The following CAMK2D variants were observed in gnomAD, a reference collection of about 807,000 sequenced individuals.
CAMK2D encodes calcium/calmodulin-dependent protein kinase type II subunit delta.
CAMK2D carries 37 observed loss-of-function variants against 84.0 expected under a neutral mutation model. The ratio of observed to expected loss-of-function variants is 0.44; its 90% CI spans 0.34 to 0.58. The LOEUF (loss-of-function observed/expected upper bound fraction) is 0.58. Ranked by LOEUF, CAMK2D falls within the 20% of genes least tolerant of loss-of-function variation. The pLI, the probability that CAMK2D is intolerant of heterozygous loss-of-function variation, is 0.02. For missense variants in CAMK2D, 448 were observed against 652.5 expected (o/e 0.69, Z 3.41); for synonymous variants, 202 against 212.5 (o/e 0.95, Z 0.43).
chr4:113,487,537 G>A (rs989302478), intron 16 of CAMK2D, among the ~76,000 whole-genome samples: 2 of 151,992 alleles, frequency 1.3e-5, no homozygotes, highest in African/African-American at 4.8e-5. Flanking sequence ...AGAAATGAAT[G>A]AGCTCAAATA....
At chr4:113,613,386 A>G (rs1325396569) in intron 3 of CAMK2D, among the ~76,000 whole-genome samples, 1 of 152,112 alleles carries the variant, frequency 6.6e-6, no homozygotes, top group African/African-American at 2.4e-5. Context: ...CTACTTGCCA[A>G]ATACCTGGTG....
At position 113,453,201 on chromosome 4, in the gene CAMK2D, C is replaced by G. The variant is rs554019451; in HGVS notation, c.*1344G>C. 1 of 152,184 alleles carries G rather than the reference C, an allele frequency of 6.6e-6. No homozygotes were observed. Among genetic ancestry groups the G allele is most frequent in the East Asian group, 1.9e-4 (1 of 5,178 alleles). 9.4% of individuals were successfully genotyped at this position (152,184 alleles called of 1,614,324 possible). On this transcript the variant is annotated 3_prime_UTR_variant, in exon 21 of 21. Transcript: ENST00000511664. ...GAAATTCTAACTCCTTGGAGGAAGA[C>G]AATGATACTCTGATTCAAGAGAGAA... is the stretch of plus-strand genomic sequence containing the variant.
chr4:113,686,287 C>T (rs960485347), intron 2 of CAMK2D, among the ~76,000 whole-genome samples: 51 of 152,136 alleles, frequency 3.4e-4, no homozygotes, highest in Admixed American at 1.1e-3. Context: ...GTGTCTTCTA[C>T]TATGGTTGTA....
intron 3 of CAMK2D, among the ~76,000 whole-genome samples, chr4:113,621,893 T>A (rs928157087): frequency 2.0e-5 from 3 of 152,198 alleles, no homozygotes; most frequent in Admixed American, 6.5e-5. Context: ...ACAATATAAC[T>A]ATGTGGCAAA....
intron 2 of CAMK2D, among the ~76,000 whole-genome samples, chr4:113,713,393 C>A (rs957303855): frequency 2.7e-5 from 4 of 146,694 alleles, no homozygotes; most frequent in Non-Finnish European, 3.0e-5. Flanking sequence ...ATAAGTGTTA[C>A]ATGACATTAA....
At chr4:113,601,683 C>CTTTATTTT (rs2098953113) in intron 4 of CAMK2D, among the ~76,000 whole-genome samples, 1 of 45,814 alleles carries the variant, frequency 2.2e-5, no homozygotes, top group Non-Finnish European at 3.9e-5. Flanking sequence ...ACTGTTTATT[C>CTTTATTTT]TTTTTTTTTT....
chr4:113,579,103 G>A (rs922999340), intron 4 of CAMK2D, among the ~76,000 whole-genome samples: 7 of 152,168 alleles, frequency 4.6e-5, no homozygotes, highest in African/African-American at 1.2e-4. Context: ...CTCCTAACAC[G>A]GATATAACAA....
At chr4:113,577,186 G>A (rs1436665982) in intron 4 of CAMK2D, among the ~76,000 whole-genome samples, 2 of 152,118 alleles carry the variant, frequency 1.3e-5, no homozygotes, top group African/African-American at 4.8e-5. Flanking sequence ...CTTGCTGCCT[G>A]GATGCGTAAA....
At chr4:113,745,897 A>AC (rs1483124570) in intron 2 of CAMK2D, among the ~76,000 whole-genome samples, 1 of 152,110 alleles carries the variant, frequency 6.6e-6, no homozygotes, top group African/African-American at 2.4e-5. Flanking sequence ...AATATGATGT[A>AC]CCCTACAAAA....
chr4:113,673,219 T>C, intron 2 of CAMK2D, among the ~76,000 whole-genome samples: 1 of 152,114 alleles, frequency 6.6e-6, no homozygotes, highest in East Asian at 1.9e-4. Context: ...TTGAAAAAAA[T>C]GCATCTCCTG....
chr4:113,684,457 T>C (rs576630679), intron 2 of CAMK2D, among the ~76,000 whole-genome samples: 1 of 152,362 alleles, frequency 6.6e-6, no homozygotes, highest in East Asian at 1.9e-4. Flanking sequence ...GTACTGTATG[T>C]ATAATTATAA....
At chr4:113,468,290 C>T (rs2097502507) in intron 16 of CAMK2D, among the ~76,000 whole-genome samples, 2 of 152,316 alleles carry the variant, frequency 1.3e-5, no homozygotes, top group South Asian at 4.1e-4. Flanking sequence ...TGCCTTCTCT[C>T]ACTTCTTATG....
At chr4:113,493,660 T>C (rs1486526756) in intron 16 of CAMK2D, among the ~76,000 whole-genome samples, 2 of 151,836 alleles carry the variant, frequency 1.3e-5, no homozygotes, top group African/African-American at 4.8e-5. Flanking sequence ...TGTGGTGTTC[T>C]CTGTATTTCC....
At chr4:113,636,773 A>C (rs911570958) in intron 3 of CAMK2D, among the ~76,000 whole-genome samples, 1 of 152,078 alleles carries the variant, frequency 6.6e-6, no homozygotes, top group Non-Finnish European at 1.5e-5. Flanking sequence ...TCTAAATCTA[A>C]TTACCTCTAA....
intron 4 of CAMK2D, among the ~76,000 whole-genome samples, chr4:113,591,079 C>T (rs2098876232): frequency 2.6e-5 from 4 of 152,232 alleles, no homozygotes; most frequent in Admixed American, 1.3e-4. Flanking sequence ...GGAAGGTCTT[C>T]TCTCAAAATC....
chr4:113,638,012 A>G (rs371251570), intron 3 of CAMK2D, among the ~76,000 whole-genome samples: 1 of 152,122 alleles, frequency 6.6e-6, no homozygotes, highest in Admixed American at 6.6e-5. Context: ...TCTCCCAAAT[A>G]TGGTATTACA....
In CAMK2D at chr4:113,456,169, T is replaced by C. The variant is rs74582087; in HGVS notation, c.1536-348A>G. ...CAGTGATATATAATTATTAAGGCTA[T>C]ACAGAAGGCCTCTGAAAACCACTGT... On this transcript the variant is annotated intron_variant, in intron 19 of 20. Coordinates refer to ENST00000511664, the MANE Select transcript of CAMK2D (RefSeq NM_001321571.2). Among the ~76,000 whole-genome samples the C allele has an allele frequency of 5.9e-3, 900 of 152,298 alleles. 8 individuals carry two copies. Among genetic ancestry groups the C allele is most frequent in the African/African-American group, 0.021 (863 of 41,564 alleles).
At position 113,665,080 on chromosome 4, in the gene CAMK2D, G is replaced by A. The variant is rs184542761; in HGVS notation, c.161-3308C>T. Among the ~76,000 whole-genome samples, 320 of 152,190 alleles carry A rather than the reference G, an allele frequency of 2.1e-3. 1 individual carries two copies. Among genetic ancestry groups the A allele is most frequent in the Admixed American group, 4.3e-3 (65 of 15,284 alleles). ...CAGCCTCCCAAAGTGCTGGGATTAT[G>A]GGCATGAGCCACCGTGCCCAGCCCA... is the stretch of plus-strand genomic sequence containing the variant. On this transcript the variant is annotated intron_variant, in intron 2 of 20. Transcript: ENST00000511664.
At chr4:113,479,635 C>CA (rs1408585303) in intron 16 of CAMK2D, among the ~76,000 whole-genome samples, 2 of 152,140 alleles carry the variant, frequency 1.3e-5, no homozygotes, top group African/African-American at 4.8e-5. Flanking sequence ...GATTTTAAAG[C>CA]AAAAATGAAC....
Sources: gnomAD v4.1 joint callset for allele counts (sites outside exome capture counted in the v4.1 genomes callset) on GRCh38, gnomAD v4.1.1 for gene constraint, MANE v1.5 for transcripts, NCBI Gene and HGNC (gene_info 2026-07-23, HGNC 2026-07-21) for gene names.